ROBO2: variants seen among roughly 807,000 people sequenced by gnomAD.
ROBO2 encodes roundabout homolog 2.
ROBO2 carries 53 observed loss-of-function variants against 160.8 expected under a neutral mutation model. The observed-to-expected ratio is 0.33, with a 90% CI of 0.26 to 0.41. The LOEUF (loss-of-function observed/expected upper bound fraction) is 0.41, where lower values mean the gene tolerates loss of function less well. Among genes scored for constraint, ROBO2 ranks in the 10% least tolerant of loss-of-function variants. The pLI, the probability that ROBO2 is intolerant of heterozygous loss-of-function variation, is 1.00. For missense variants in ROBO2, 1,577 were observed against 1,722.4 expected, an observed-to-expected ratio of 0.92 and a Z score of 1.49; for synonymous variants, 664 against 611.7, an observed-to-expected ratio of 1.09 and a Z score of -1.26.
At position 77,453,234 on chromosome 3, in the gene ROBO2, T is replaced by C. The variant is rs1231397991; in HGVS notation, c.389-24180T>C. On this transcript the variant is annotated intron_variant, in intron 2 of 25. Coordinates refer to ENST00000461745, the Ensembl canonical transcript of ROBO2. ...GATATCTTCTCCATCAATTGTCTTC[T>C]GTGTCATTTTTCATTCAACATTTAT... Among the ~76,000 whole-genome samples, 4 of 152,202 alleles carry C rather than the reference T, an allele frequency of 2.6e-5. No individual in the cohort carries two copies. In the East Asian group the frequency reaches 7.7e-4, roughly 29 times the overall value.
chr3:76,962,943 T>C (rs1449412658), intron 2 of ROBO2, among the ~76,000 whole-genome samples: 1 of 152,230 alleles, frequency 6.6e-6, no homozygotes, highest in Admixed American at 6.5e-5. Context: ...TCATTAATGT[T>C]AAAAATGAGT....
intron 2 of ROBO2, among the ~76,000 whole-genome samples, chr3:76,996,223 T>G (rs965562838): frequency 2.6e-5 from 4 of 152,162 alleles, no homozygotes; most frequent in Admixed American, 6.6e-5. Context: ...TTTCCCCATT[T>G]CTTGTTTTTG....
At chr3:76,036,961 A>AT (rs2067130108) in intron 2 of ROBO2, among the ~76,000 whole-genome samples, 1 of 151,962 alleles carries the variant, frequency 6.6e-6, no homozygotes, top group Admixed American at 6.5e-5. Flanking sequence ...CTTGTTTTTC[A>AT]GTGTGTTCAT....
chr3:76,303,976 G>T (rs1445072676), intron 2 of ROBO2, among the ~76,000 whole-genome samples: 1 of 152,130 alleles, frequency 6.6e-6, no homozygotes, highest in Non-Finnish European at 1.5e-5. Flanking sequence ...AAGGAAAAAG[G>T]AATAAAAATA....
At chr3:76,680,308 G>T (rs2092523617) in intron 2 of ROBO2, among the ~76,000 whole-genome samples, 1 of 143,678 alleles carries the variant, frequency 7.0e-6, no homozygotes, top group Non-Finnish European at 1.5e-5. Context: ...TTGTTTGTTT[G>T]TTTTCCTTTT....
At position 76,940,760 on chromosome 3, in the gene ROBO2, A is replaced by G. The variant is rs1396458510; in HGVS notation, c.110-157254A>G. 2.0e-5 allele frequency among the ~76,000 whole-genome samples: 3 copies of G among 152,362 alleles called. No individual in the cohort carries two copies. The East Asian group carries it at 5.8e-4, about 29-fold the overall frequency. ...TTCCAACGGCTTTATTGCACAATGT[A>G]TACATTTATCAAAACATCCCATTGT... is the stretch of plus-strand genomic sequence containing the variant. On this transcript the variant is annotated intron_variant, in intron 2 of 26. Coordinates refer to the ROBO2 transcript ENST00000487694.
intron 2 of ROBO2, among the ~76,000 whole-genome samples, chr3:76,014,882 C>G (rs182531452): frequency 3.9e-5 from 6 of 152,110 alleles, no homozygotes; most frequent in African/African-American, 1.2e-4. Flanking sequence ...GAGCTGTGAT[C>G]GCGCTACTGC....
intron 2 of ROBO2, among the ~76,000 whole-genome samples, chr3:76,166,416 T>C (rs2072839949): frequency 6.6e-6 from 1 of 152,200 alleles, no homozygotes; most frequent in African/African-American, 2.4e-5. Context: ...TTTCTTATTC[T>C]CAGGCCAGTT....
At chr3:77,613,025 T>C (rs1449967329) in intron 21 of ROBO2, among the ~76,000 whole-genome samples, 2 of 152,148 alleles carry the variant, frequency 1.3e-5, no homozygotes, top group East Asian at 1.9e-4. Context: ...TAATGAAATA[T>C]GTTTTAGTTA....
chr3:76,620,559 A>G (rs2088985430), intron 2 of ROBO2, among the ~76,000 whole-genome samples: 1 of 152,196 alleles, frequency 6.6e-6, no homozygotes, highest in African/African-American at 2.4e-5. Context: ...TAAACCTGAT[A>G]AAATATATCA....
intron 2 of ROBO2, among the ~76,000 whole-genome samples, chr3:76,751,194 G>A (rs558491993): frequency 5.1e-4 from 78 of 152,208 alleles, no homozygotes; most frequent in African/African-American, 1.8e-3. Flanking sequence ...AAGAAATAGG[G>A]AAAGGATTCC....
At chr3:76,535,377 C>T (rs2082439626) in intron 2 of ROBO2, among the ~76,000 whole-genome samples, 3 of 151,970 alleles carry the variant, frequency 2.0e-5, no homozygotes, top group Admixed American at 2.0e-4. Flanking sequence ...CTTCTCAAAG[C>T]CTGCTGTGGG....
At chr3:76,058,158 G>T (rs1184846860) in intron 2 of ROBO2, among the ~76,000 whole-genome samples, 2 of 151,896 alleles carry the variant, frequency 1.3e-5, no homozygotes, top group Non-Finnish European at 2.9e-5. Context: ...GAATGTGCAG[G>T]TTTGTTACGT....
intron 2 of ROBO2, among the ~76,000 whole-genome samples, chr3:76,624,727 G>A (rs1001906433): frequency 7.7e-6 from 1 of 129,826 alleles, no homozygotes; most frequent in Non-Finnish European, 1.6e-5. Flanking sequence ...GCACCTGGGA[G>A]GCTGAGCTTG....
intron 2 of ROBO2, among the ~76,000 whole-genome samples, chr3:76,174,582 G>T (rs565524986): frequency 6.6e-6 from 1 of 152,206 alleles, no homozygotes; most frequent in South Asian, 2.1e-4. Context: ...TCTGCATATG[G>T]CTAGTCAGTT....
chr3:76,386,175 A>G (rs544439919), intron 2 of ROBO2, among the ~76,000 whole-genome samples: 250 of 152,300 alleles, frequency 1.6e-3, no homozygotes, highest in Middle Eastern at 0.014. Context: ...TTTAACATAC[A>G]TATTTCTGAG....
chr3:76,470,568 C>G (rs1405547603), intron 2 of ROBO2, among the ~76,000 whole-genome samples: 1 of 152,024 alleles, frequency 6.6e-6, no homozygotes, highest in East Asian at 1.9e-4. Flanking sequence ...CTTCTAGGTT[C>G]TAAGAAGAAG....
intron 1 of ROBO2, among the ~76,000 whole-genome samples, chr3:77,045,208 G>A (rs2064519754): frequency 6.6e-6 from 1 of 152,128 alleles, no homozygotes; most frequent in East Asian, 1.9e-4. Flanking sequence ...TGTTTTAGTA[G>A]TGTGTTATAC....
At chr3:76,440,340 T>C (rs1051016830) in intron 2 of ROBO2, among the ~76,000 whole-genome samples, 2 of 152,028 alleles carry the variant, frequency 1.3e-5, no homozygotes. Flanking sequence ...CATGTTGGTG[T>C]GCTGCACCCA....
Sources: allele counts gnomAD v4.1 joint callset (sites outside exome capture counted in the v4.1 genomes callset), GRCh38; gene constraint gnomAD v4.1.1; transcripts MANE v1.5; gene names NCBI Gene and HGNC (gene_info 2026-07-23, HGNC 2026-07-21).